Variants in EXOC5 observed in about 807,000 individuals in gnomAD.
EXOC5 encodes the protein SEC10-like 1.
Under a neutral mutation model 90.8 loss-of-function variants are expected in EXOC5, and 17 were observed. That is an observed-to-expected ratio of 0.19 (90% CI 0.13 to 0.28). The LOEUF is 0.28. Among genes scored for constraint, EXOC5 ranks in the 10% least tolerant of loss-of-function variants. The pLI is 1.00. For missense variants in EXOC5, 569 were observed against 830.6 expected, an observed-to-expected ratio of 0.69 and a Z score of 3.87; for synonymous variants, 260 against 270.0, an observed-to-expected ratio of 0.96 and a Z score of 0.36.
rs1012531576 is a variant in EXOC5 at position 57,201,244 on chromosome 14, C to T, written c.*7365G>A. On this transcript the variant is annotated 3_prime_UTR_variant, in exon 18 of 18. Coordinates refer to ENST00000621441, the MANE Select transcript of EXOC5 (RefSeq NM_006544.4). ...ATGACCTTGGAAAATCCTGTTGTGC[C>T]CAGAATAAATTGCTGTAAAAATGAT... The T allele has an allele frequency of 6.6e-6, 1 of 151,674 alleles. No homozygotes were observed. Among genetic ancestry groups the T allele is most frequent in the African/African-American group, 2.4e-5 (1 of 41,244 alleles). 9.4% of individuals were successfully genotyped at this position (151,674 alleles called of 1,614,324 possible). A position where few individuals can be genotyped will look rare whatever the true frequency, so the allele number is the denominator to read the frequency against.
chr14:57,234,480 T>C (rs1206193871), intron 7 of EXOC5, among the ~76,000 whole-genome samples: 1 of 149,340 alleles, frequency 6.7e-6, no homozygotes. Context: ...CATATAAATA[T>C]ATTTATATAT....
In EXOC5 at chr14:57,201,567, A is replaced by AC. The variant is rs1555366660; in HGVS notation, c.*7041_*7042insG. The AC allele has an allele frequency of 1.1e-5, 1 of 91,842 alleles. No homozygotes were observed. Among genetic ancestry groups the AC allele is most frequent in the Non-Finnish European group, 1.8e-5 (1 of 54,474 alleles). The allele number at this position is 91,842 out of a possible 1,614,324, so 5.7% of individuals were successfully genotyped here. On this transcript the variant is annotated 3_prime_UTR_variant, in exon 18 of 18. Coordinates refer to ENST00000621441, the MANE Select transcript of EXOC5 (RefSeq NM_006544.4). ...TACATATATTTTTATATATATTAAT[A>AC]TTATATATATATATATATATATATA...
chr14:57,265,068 G>T (rs190105092), intron 1 of EXOC5, among the ~76,000 whole-genome samples: 120 of 150,996 alleles, frequency 7.9e-4, no homozygotes, highest in Middle Eastern at 7.0e-3. Context: ...ACATATTAAG[G>T]TATACCGCAA....
At chr14:57,263,787 C>T (rs1049957485) in intron 1 of EXOC5, among the ~76,000 whole-genome samples, 6 of 150,430 alleles carry the variant, frequency 4.0e-5, no homozygotes, top group South Asian at 2.1e-4. Context: ...AAACTGCCCT[C>T]GAACTCCTAT....
chr14:57,237,955 A>G (rs1883713888), intron 5 of EXOC5, among the ~76,000 whole-genome samples: 1 of 152,228 alleles, frequency 6.6e-6, no homozygotes. Context: ...AATACCACGC[A>G]GTAGAATTTT....
rs995087723 is a variant in EXOC5, at chr14:57,203,906, A to C, written c.*4703T>G. The C allele has an allele frequency of 3.3e-5, 5 of 152,620 alleles. No individual in the cohort carries two copies. Among genetic ancestry groups the C allele is most frequent in the African/African-American group, 1.2e-4 (5 of 41,450 alleles). 9.5% of individuals were successfully genotyped at this position (152,620 alleles called of 1,614,324 possible). On this transcript the variant is annotated 3_prime_UTR_variant, in exon 18 of 18. Transcript: ENST00000621441. ...ATGTTCTAATCCATTCCACCTGCTC[A>C]AATATTAGTGCAAATAATTATATAT...
chr14:57,247,512 A>G (rs867600757), intron 2 of EXOC5, 106 bp downstream of exon 2: 2 of 488,856 alleles, frequency 4.1e-6, no homozygotes, highest in African/African-American at 4.0e-5. Flanking sequence ...AATGTTAACT[A>G]AAATCCTTGT....
intron 1 of EXOC5, among the ~76,000 whole-genome samples, chr14:57,266,806 A>G (rs576366550): frequency 6.0e-4 from 91 of 151,448 alleles, no homozygotes; most frequent in African/African-American, 2.2e-3. Flanking sequence ...AAAGCAAAAT[A>G]TATATTTCCC....
intron 1 of EXOC5, among the ~76,000 whole-genome samples, chr14:57,258,936 T>G (rs889070163): frequency 6.6e-6 from 1 of 152,182 alleles, no homozygotes; most frequent in African/African-American, 2.4e-5. Flanking sequence ...TTCAGAGAGA[T>G]ATTTCTGTAT....
intron 14 of EXOC5, among the ~76,000 whole-genome samples, chr14:57,218,449 G>A (rs1054721128): frequency 6.6e-6 from 1 of 151,996 alleles, no homozygotes; most frequent in African/African-American, 2.4e-5. Flanking sequence ...CATCACCAGA[G>A]TTTTAAGAAT....
rs926878900 is a variant in EXOC5 at position 57,262,601 on chromosome 14, G to GTA, written c.27+6019_27+6020dup. On this transcript the variant is annotated intron_variant, in intron 1 of 17. Transcript: ENST00000621441. ...ACGTATATATATACACATATATTAAGTATATATATACATATATGTATATAT... is the reference window on the plus strand; with the variant it reads ...ACGTATATATATACACATATATTAAGTATATATATATACATATATGTATATAT... Among the ~76,000 whole-genome samples the GTA allele has an allele frequency of 1.1e-4, 16 of 142,430 alleles. No individual in the cohort carries two copies. The East Asian group carries it at 2.8e-3, about 25-fold the overall frequency. The allele number at this position is 142,430 out of a possible 152,430, so 93.4% of individuals were successfully genotyped here. A position where few individuals can be genotyped will look rare whatever the true frequency, so the allele number is the denominator to read the frequency against.
At position 57,201,568 on chromosome 14, in the gene EXOC5, T is replaced by TTTTA. The variant is rs71450325; in HGVS notation, c.*7040_*7041insTAAA. On this transcript the variant is annotated 3_prime_UTR_variant, in exon 18 of 18. Coordinates refer to ENST00000621441, the MANE Select transcript of EXOC5 (RefSeq NM_006544.4). ...ACATATATTTTTATATATATTAATA[T>TTTTA]TATATATATATATATATATATATAT... 16 of 93,404 alleles carry TTTTA rather than the reference T, an allele frequency of 1.7e-4. No homozygotes were observed. Among genetic ancestry groups the TTTTA allele is most frequent in the African/African-American group, 1.0e-3 (14 of 13,520 alleles). 5.8% of individuals were successfully genotyped at this position (93,404 alleles called of 1,614,324 possible).
chr14:57,240,098 T>A (rs532726285), intron 4 of EXOC5, among the ~76,000 whole-genome samples: 3 of 152,354 alleles, frequency 2.0e-5, no homozygotes, highest in Admixed American at 2.0e-4. Flanking sequence ...TAAATGCCTG[T>A]CATTACTGAT....
At position 57,268,650 on chromosome 14, in the gene EXOC5, C is replaced by T; in HGVS notation, c.-2G>A. On this transcript the variant is annotated 5_prime_UTR_variant, in exon 1 of 18. Transcript: ENST00000621441. The stretch of plus-strand genomic sequence containing the variant: ...GAAGAGCTCGGCCGTGGTAGCCATC[C>T]CGGCCGGCTGAGAGGCTCGCCCCCC... 6.3e-7 allele frequency: 1 copy of T among 1,588,996 alleles called. No homozygotes were observed. The highest frequency in any genetic ancestry group is 1.1e-5 in the South Asian group (1 of 88,582).
chr14:57,227,849 C>G (rs1241791380), intron 12 of EXOC5, among the ~76,000 whole-genome samples: 1 of 151,962 alleles, frequency 6.6e-6, no homozygotes, highest in Non-Finnish European at 1.5e-5. Context: ...ACTCTCAATC[C>G]ACTACCTAAA....
chr14:57,205,934 A>G lies in EXOC5; in HGVS notation c.*2675T>C. The stretch of plus-strand genomic sequence containing the variant: ...TGGTCATCCATCTAAAGATCCATCC[A>G]GCTACTATTTAATAATTCTTCATAA... On this transcript the variant is annotated 3_prime_UTR_variant, in exon 18 of 18. Coordinates refer to ENST00000621441, the MANE Select transcript of EXOC5 (RefSeq NM_006544.4). The G allele has an allele frequency of 2.2e-6, 1 of 456,326 alleles. No individual in the cohort carries two copies. Among genetic ancestry groups the G allele is most frequent in the Non-Finnish European group, 4.4e-6 (1 of 226,662 alleles). 28.3% of individuals were successfully genotyped at this position (456,326 alleles called of 1,614,324 possible).
At chr14:57,249,707 A>G (rs545890154) in intron 1 of EXOC5, among the ~76,000 whole-genome samples, 7 of 152,240 alleles carry the variant, frequency 4.6e-5, no homozygotes, top group Admixed American at 3.9e-4. Flanking sequence ...AAGAAGAACC[A>G]TGAAGAAAAT....
At chr14:57,229,512 T>A (rs1883412012) in intron 12 of EXOC5, among the ~76,000 whole-genome samples, 1 of 152,108 alleles carries the variant, frequency 6.6e-6, no homozygotes, top group African/African-American at 2.4e-5. Context: ...GAGATTTACG[T>A]TGCACTAGGT....
Position 57,207,328 on chromosome 14 carries a change from A to G in EXOC5, c.*1281T>C, listed in dbSNP as rs1289414028. ...AAGAGTGAATTGAATACTTAAGTTT[A>G]TCTGTTCCTAGAAGACTATGAACAC... On this transcript the variant is annotated 3_prime_UTR_variant, in exon 18 of 18. Transcript: ENST00000621441. 1 of 152,534 alleles carries G rather than the reference A, an allele frequency of 6.6e-6. No individual in the cohort carries two copies. Among genetic ancestry groups the G allele is most frequent in the African/African-American group, 2.4e-5 (1 of 41,456 alleles). The allele number at this position is 152,534 out of a possible 1,614,324, so 9.4% of individuals were successfully genotyped here.
Sources: allele counts gnomAD v4.1 joint callset (sites outside exome capture counted in the v4.1 genomes callset), GRCh38; gene constraint gnomAD v4.1.1; transcripts MANE v1.5; gene names NCBI Gene and HGNC (gene_info 2026-07-23, HGNC 2026-07-21).